Variants in DLGAP1 observed in about 807,000 individuals in gnomAD.
DLGAP1 encodes the protein disks large-associated protein 1.
DLGAP1 carries 11 observed loss-of-function variants against 90.8 expected under a neutral mutation model. The observed-to-expected ratio is 0.12, with a 90% CI of 0.08 to 0.20. The LOEUF is 0.20. DLGAP1 is among the 10% of genes least tolerant of loss of function. DLGAP1 has a pLI of 1.00. For missense variants in DLGAP1, 1,050 were observed against 1,333.8 expected, an observed-to-expected ratio of 0.79 and a Z score of 3.31; for synonymous variants, 558 against 540.7, an observed-to-expected ratio of 1.03 and a Z score of -0.44.
At chr18:3,767,706 G>T (rs1404111889) in intron 5 of DLGAP1, among the ~76,000 whole-genome samples, 1 of 152,042 alleles carries the variant, frequency 6.6e-6, no homozygotes, top group African/African-American at 2.4e-5. Context: ...GAAAATGCAT[G>T]TAACAAAATT....
At chr18:4,176,491 A>T (rs918289925) in intron 1 of DLGAP1, among the ~76,000 whole-genome samples, 1 of 152,160 alleles carries the variant, frequency 6.6e-6, no homozygotes, top group Non-Finnish European at 1.5e-5. Context: ...GCTAACTCCT[A>T]CTTCTTAAGC....
chr18:3,603,052 A>C (rs1165883120), intron 7 of DLGAP1: 4 of 152,212 alleles, frequency 2.6e-5, no homozygotes, highest in African/African-American at 9.7e-5. Flanking sequence ...AACTTGCAGA[A>C]ACTAGAGCTA....
intron 2 of DLGAP1, among the ~76,000 whole-genome samples, chr18:4,099,071 G>C (rs896671465): frequency 1.3e-5 from 2 of 152,024 alleles, no homozygotes; most frequent in Non-Finnish European, 2.9e-5. Flanking sequence ...GACCTCCCAG[G>C]CTCAACTGAT....
chr18:4,145,667 G>A (rs564656693), intron 2 of DLGAP1, among the ~76,000 whole-genome samples: 74 of 152,252 alleles, frequency 4.9e-4, no homozygotes, highest in Non-Finnish European at 1.0e-3. Flanking sequence ...TTTTGCCTCT[G>A]GGTATAAAGC....
At chr18:3,910,694 G>C (rs546712075) in intron 3 of DLGAP1, among the ~76,000 whole-genome samples, 1 of 152,090 alleles carries the variant, frequency 6.6e-6, no homozygotes, top group Non-Finnish European at 1.5e-5. Context: ...TGCGGTGTCC[G>C]GGGGAAGTTG....
intron 7 of DLGAP1, among the ~76,000 whole-genome samples, chr18:3,674,455 C>CA (rs1374269755): frequency 1.3e-5 from 2 of 151,018 alleles, no homozygotes; most frequent in African/African-American, 2.4e-5. Context: ...CCTATCTCTA[C>CA]AAAAAAATAA....
chr18:3,822,868 G>C (rs1350978148), intron 4 of DLGAP1, among the ~76,000 whole-genome samples: 2 of 152,138 alleles, frequency 1.3e-5, no homozygotes, highest in African/African-American at 4.8e-5. Context: ...CTAAGATGCT[G>C]GGTGTGGTAG....
chr18:3,947,407 C>G (rs964511213), intron 3 of DLGAP1, among the ~76,000 whole-genome samples: 3 of 152,164 alleles, frequency 2.0e-5, no homozygotes, highest in African/African-American at 7.2e-5. Flanking sequence ...TCTCCCTGTC[C>G]CCTCAATCTC....
intron 2 of DLGAP1, among the ~76,000 whole-genome samples, chr18:4,079,970 T>G (rs972902547): frequency 6.6e-6 from 1 of 152,130 alleles, no homozygotes; most frequent in Non-Finnish European, 1.5e-5. Flanking sequence ...CATGATTAGA[T>G]AGATGTTATA....
At chr18:3,555,211 G>A (rs1042492489) in intron 9 of DLGAP1, among the ~76,000 whole-genome samples, 7 of 152,100 alleles carry the variant, frequency 4.6e-5, no homozygotes, top group African/African-American at 1.7e-4. Flanking sequence ...GATTTCTTTT[G>A]GAGAGGTTGA....
chr18:4,237,384 G>A (rs1269803283), intron 1 of DLGAP1, among the ~76,000 whole-genome samples: 3 of 152,006 alleles, frequency 2.0e-5, no homozygotes, highest in Non-Finnish European at 2.9e-5. Flanking sequence ...AGAAGCTAAC[G>A]GAGACCCTGA....
At chr18:3,930,218 T>C (rs939301152) in intron 3 of DLGAP1, among the ~76,000 whole-genome samples, 1 of 152,210 alleles carries the variant, frequency 6.6e-6, no homozygotes, top group African/African-American at 2.4e-5. Flanking sequence ...GTGAACACAT[T>C]CTTTTCCTAT....
At chr18:3,944,651 G>C (rs1801730456) in intron 3 of DLGAP1, among the ~76,000 whole-genome samples, 1 of 152,230 alleles carries the variant, frequency 6.6e-6, no homozygotes, top group Admixed American at 6.5e-5. Flanking sequence ...TAGGAACCAT[G>C]CTCATCCCTG....
At chr18:4,260,394 T>TTC (rs1242628687) in intron 1 of DLGAP1, among the ~76,000 whole-genome samples, 2 of 152,200 alleles carry the variant, frequency 1.3e-5, no homozygotes, top group African/African-American at 4.8e-5. Flanking sequence ...AGTTGGTGAC[T>TTC]TCTCATTGAT....
chr18:4,379,454 T>C (rs1598317836), intron 1 of DLGAP1, among the ~76,000 whole-genome samples: 1 of 152,184 alleles, frequency 6.6e-6, no homozygotes, highest in Admixed American at 6.6e-5. Flanking sequence ...CCCTTTTGAC[T>C]GTCCCTATAT....
At chr18:4,042,014 T>C (rs1297230202) in intron 2 of DLGAP1, among the ~76,000 whole-genome samples, 3 of 152,234 alleles carry the variant, frequency 2.0e-5, no homozygotes, top group African/African-American at 4.8e-5. Context: ...TCTCATTCCA[T>C]TGTGTTATAG....
At chr18:3,908,622 A>G (rs527936055) in intron 3 of DLGAP1, among the ~76,000 whole-genome samples, 2 of 152,346 alleles carry the variant, frequency 1.3e-5, no homozygotes, top group East Asian at 1.9e-4. Flanking sequence ...ATGCTTGCTT[A>G]TAAGTTTATC....
chr18:4,054,826 T>C (rs956854775), intron 2 of DLGAP1, among the ~76,000 whole-genome samples: 2 of 152,220 alleles, frequency 1.3e-5, no homozygotes, highest in Admixed American at 1.3e-4. Flanking sequence ...TAACATTTTC[T>C]TCAGTGTATA....
At chr18:4,416,645 TTAA>T (rs1310110702) in intron 1 of DLGAP1, among the ~76,000 whole-genome samples, 1 of 152,226 alleles carries the variant, frequency 6.6e-6, no homozygotes, top group Non-Finnish European at 1.5e-5. Context: ...TCCAATAATC[TTAA>T]TATTTGTTTA....
Sources: gnomAD v4.1 joint callset for allele counts (sites outside exome capture counted in the v4.1 genomes callset) on GRCh38, gnomAD v4.1.1 for gene constraint, MANE v1.5 for transcripts, NCBI Gene and HGNC (gene_info 2026-07-23, HGNC 2026-07-21) for gene names.